Variants in ESRRG observed in about 807,000 individuals in gnomAD.
ESRRG encodes estrogen related receptor gamma.
In ESRRG, 13 loss-of-function variants were observed where a neutral mutation model predicts 44.0. That is an observed-to-expected ratio of 0.30 (90% CI 0.19 to 0.47). The LOEUF (loss-of-function observed/expected upper bound fraction) is 0.47, where lower values mean the gene tolerates loss of function less well. Among genes scored for constraint, ESRRG ranks in the 20% least tolerant of loss-of-function variants. The probability of loss-of-function intolerance (pLI) is 1.00; values close to 1 mark genes in which losing one functional copy is unlikely to be tolerated. For synonymous variants in ESRRG, 215 were observed against 214.6 expected, an observed-to-expected ratio of 1.00 and a Z score of -0.02; for missense variants, 395 against 580.6, an observed-to-expected ratio of 0.68 and a Z score of 3.29.
intron 2 of ESRRG, among the ~76,000 whole-genome samples, chr1:216,813,613 G>A (rs1425068721): frequency 2.0e-5 from 3 of 152,164 alleles, no homozygotes; most frequent in African/African-American, 7.2e-5. Context: ...GGTGAGCAAT[G>A]TTTGGAAGTC....
chr1:217,048,910 C>T (rs904224605), intron 1 of ESRRG, among the ~76,000 whole-genome samples: 2 of 152,164 alleles, frequency 1.3e-5, no homozygotes, highest in African/African-American at 4.8e-5. Flanking sequence ...TTATACAGTA[C>T]AGGTTGTGAA....
At chr1:216,833,571 T>C (rs2095519024) in intron 2 of ESRRG, among the ~76,000 whole-genome samples, 1 of 152,184 alleles carries the variant, frequency 6.6e-6, no homozygotes, top group South Asian at 2.1e-4. Flanking sequence ...AATTAGCCAA[T>C]TAGTACCATC....
intron 2 of ESRRG, among the ~76,000 whole-genome samples, chr1:216,830,140 C>T (rs958222528): frequency 6.6e-6 from 1 of 152,128 alleles, no homozygotes; most frequent in Non-Finnish European, 1.5e-5. Context: ...GGGCCAGGCT[C>T]ACTTCAAGTG....
chr1:216,597,105 T>C (rs924341002), intron 3 of ESRRG, among the ~76,000 whole-genome samples: 1 of 152,178 alleles, frequency 6.6e-6, no homozygotes, highest in Non-Finnish European at 1.5e-5. Context: ...AATTGTCTAT[T>C]ACAGCTAAGA....
chr1:217,010,705 G>T (rs138345905), intron 1 of ESRRG, among the ~76,000 whole-genome samples: 1 of 152,100 alleles, frequency 6.6e-6, no homozygotes, highest in South Asian at 2.1e-4. Context: ...ATTTGGCCCC[G>T]TGAAAAGAAG....
chr1:216,790,920 T>C lies in ESRRG; in HGVS notation c.-13-113429A>G, dbSNP rs528497890. 2.6e-5 allele frequency among the ~76,000 whole-genome samples: 4 copies of C among 152,290 alleles called. No individual in the cohort carries two copies. The South Asian group carries it at 8.3e-4, about 32-fold the overall frequency. On this transcript the variant is annotated intron_variant, in intron 2 of 7. Transcript: ENST00000359162. Reference sequence around the variant, plus strand: ...AGACAATCAGAGAGATGCCAGAACCTCAACATTGTGAAACAGTTGAACAAA... The same window carrying C: ...AGACAATCAGAGAGATGCCAGAACCCCAACATTGTGAAACAGTTGAACAAA...
chr1:216,853,253 G>A (rs1559873072), intron 2 of ESRRG, among the ~76,000 whole-genome samples: 1 of 152,142 alleles, frequency 6.6e-6, no homozygotes, highest in Non-Finnish European at 1.5e-5. Context: ...AAGTCCTTCT[G>A]ATTGAGGCTT....
intron 1 of ESRRG, among the ~76,000 whole-genome samples, chr1:216,978,201 C>T (rs1041166397): frequency 1.3e-5 from 2 of 152,088 alleles, no homozygotes; most frequent in African/African-American, 4.8e-5. Context: ...ATTCACCACC[C>T]CCAACTCCCA....
chr1:216,966,557 T>C (rs1002546588), intron 1 of ESRRG, among the ~76,000 whole-genome samples: 3 of 152,174 alleles, frequency 2.0e-5, no homozygotes, highest in Non-Finnish European at 4.4e-5. Context: ...CAGGCTCACC[T>C]GTAAGGAATT....
intron 2 of ESRRG, among the ~76,000 whole-genome samples, chr1:216,913,042 G>A (rs1021963943): frequency 7.1e-6 from 1 of 141,280 alleles, no homozygotes; most frequent in African/African-American, 2.7e-5. Context: ...AAAATCACTT[G>A]AACCCCAGGG....
At chr1:216,556,272 T>A (rs1316672296) in intron 5 of ESRRG, among the ~76,000 whole-genome samples, 4 of 152,090 alleles carry the variant, frequency 2.6e-5, no homozygotes, top group Admixed American at 2.6e-4. Flanking sequence ...GATATTGATG[T>A]TTTGATAATC....
chr1:216,926,522 A>G lies in ESRRG; in HGVS notation c.-14+13060T>C, dbSNP rs1242064150. ...TGGTTTGGCAATATTTATTTGGCAG[A>G]GGAGCGAAGGGGAAAAAGTTACATT... On this transcript the variant is annotated intron_variant, in intron 2 of 7. Coordinates refer to the ESRRG transcript ENST00000359162. 2.0e-5 allele frequency among the ~76,000 whole-genome samples: 3 copies of G among 152,178 alleles called. No homozygotes were observed. In the East Asian group the frequency reaches 5.8e-4, roughly 29 times the overall value.
intron 3 of ESRRG, among the ~76,000 whole-genome samples, chr1:216,621,366 C>T (rs1043220053): frequency 1.3e-5 from 2 of 152,138 alleles, no homozygotes; most frequent in African/African-American, 4.8e-5. Flanking sequence ...AAGAGCCACA[C>T]AGAGTAATTA....
chr1:216,915,742 G>A (rs1360243750), intron 2 of ESRRG, among the ~76,000 whole-genome samples: 3 of 152,194 alleles, frequency 2.0e-5, no homozygotes, highest in Non-Finnish European at 4.4e-5. Flanking sequence ...TGACATCCAG[G>A]TAATGCTGAG....
chr1:216,931,103 T>C (rs1456844436), intron 2 of ESRRG, among the ~76,000 whole-genome samples: 7 of 152,190 alleles, frequency 4.6e-5, no homozygotes, highest in Non-Finnish European at 8.8e-5. Flanking sequence ...AATGGCCAAG[T>C]TCAGTGAAGG....
At chr1:216,939,366 A>AAAAAAAAAAAC (rs2064809656) in intron 2 of ESRRG, among the ~76,000 whole-genome samples, 2 of 145,776 alleles carry the variant, frequency 1.4e-5, no homozygotes, top group African/African-American at 5.1e-5. Context: ...AAAAAAAAAA[A>AAAAAAAAAAAC]AAAACACTTT....
intron 2 of ESRRG, among the ~76,000 whole-genome samples, chr1:216,651,435 CA>C (rs1387757982): frequency 6.6e-6 from 1 of 152,270 alleles, no homozygotes; most frequent in East Asian, 1.9e-4. Flanking sequence ...ACACAAATAT[CA>C]AAACCAGATT....
At position 216,515,863 on chromosome 1, in the gene ESRRG, A is replaced by C. The variant is rs536913759; in HGVS notation, c.1132+3289T>G. On this transcript the variant is annotated intron_variant, in intron 6 of 6. Transcript: ENST00000408911. ...ATCTTATAGTATATAATTTCAAACA[A>C]ATTCTTAATATAAGAATCAAGAGAT... Among the ~76,000 whole-genome samples, 5 of 152,218 alleles carry C rather than the reference A, an allele frequency of 3.3e-5. No homozygotes were observed. In the South Asian group the frequency reaches 1.0e-3, roughly 32 times the overall value.
At position 216,676,984 on chromosome 1, in the gene ESRRG, A is replaced by G. The variant is rs79804380; in HGVS notation, c.472+92T>C. On this transcript the variant is annotated intron_variant, in intron 2 of 6. Coordinates refer to ENST00000408911, the MANE Select transcript of ESRRG (RefSeq NM_001438.4). Reference sequence around the variant, plus strand: ...TACTCAAGAGAGAATTAAAACTATGATACTTGACTTATGAGAATAAGAATA... The same window carrying G: ...TACTCAAGAGAGAATTAAAACTATGGTACTTGACTTATGAGAATAAGAATA... The G allele has an allele frequency of 1.5e-3, 1,285 of 871,586 alleles. 13 individuals are homozygous for G. The African/African-American group carries it at 0.019, about 13-fold the overall frequency. 54.0% of individuals were successfully genotyped at this position (871,586 alleles called of 1,614,324 possible). A position where few individuals can be genotyped will look rare whatever the true frequency, so the allele number is the denominator to read the frequency against.
Sources: gnomAD v4.1 joint callset for allele counts (sites outside exome capture counted in the v4.1 genomes callset) on GRCh38, gnomAD v4.1.1 for gene constraint, MANE v1.5 for transcripts, NCBI Gene and HGNC (gene_info 2026-07-23, HGNC 2026-07-21) for gene names.